Variants in DLC1 observed in about 807,000 individuals in gnomAD.
DLC1 encodes the protein DLC1 Rho GTPase activating protein.
Under a neutral mutation model 140.3 loss-of-function variants are expected in DLC1, and 54 were observed. The ratio of observed to expected loss-of-function variants is 0.38; its 90% CI spans 0.31 to 0.48. DLC1 has a LOEUF of 0.48. DLC1 is among the 20% of genes least tolerant of loss of function. The pLI is 0.96. For missense variants in DLC1, 2,536 were observed against 1,907.0 expected, an observed-to-expected ratio of 1.33 and a Z score of -6.14; for synonymous variants, 986 against 728.1, an observed-to-expected ratio of 1.35 and a Z score of -5.70.
At chr8:13,361,259 G>C (rs1165485425) in intron 4 of DLC1, among the ~76,000 whole-genome samples, 1 of 151,980 alleles carries the variant, frequency 6.6e-6, no homozygotes, top group Non-Finnish European at 1.5e-5. Context: ...CAAAACGAGA[G>C]AGAGAAAGAA....
intron 2 of DLC1, among the ~76,000 whole-genome samples, chr8:13,405,173 G>A (rs552609283): frequency 6.6e-6 from 1 of 152,036 alleles, no homozygotes; most frequent in South Asian, 2.1e-4. Flanking sequence ...ACTCAGAACT[G>A]CATGTGCAGG....
At chr8:13,355,911 C>T (rs369940199) in intron 4 of DLC1, among the ~76,000 whole-genome samples, 97 of 149,128 alleles carry the variant, frequency 6.5e-4, no homozygotes, top group African/African-American at 1.7e-3. Flanking sequence ...GGTGAAACCC[C>T]GTCTCTACTA....
At chr8:13,086,612 C>T in intron 16 of DLC1, 149 bp from the exon 17 acceptor site, 1 of 783,058 alleles carries the variant, frequency 1.3e-6, no homozygotes. Flanking sequence ...ATGGCATCCT[C>T]TAAACTACTT....
At chr8:13,293,847 A>G (rs947515576) in intron 5 of DLC1, among the ~76,000 whole-genome samples, 1 of 151,870 alleles carries the variant, frequency 6.6e-6, no homozygotes, top group Non-Finnish European at 1.5e-5. Flanking sequence ...GAGGAAAAGA[A>G]CTATGTTCTA....
intron 5 of DLC1, among the ~76,000 whole-genome samples, chr8:13,265,387 TGTGTGG>T (rs1158605005): frequency 1.3e-5 from 2 of 152,096 alleles, no homozygotes; most frequent in East Asian, 3.9e-4. Context: ...AGTGGGAGTA[TGTGTGG>T]GTAGGTGGTA....
intron 1 of DLC1, among the ~76,000 whole-genome samples, chr8:13,523,536 C>T (rs117624611): frequency 6.6e-6 from 1 of 152,098 alleles, no homozygotes; most frequent in South Asian, 2.1e-4. Context: ...TAGACAAATA[C>T]ATTTGGGAAT....
At chr8:13,589,148 C>A (rs1205641330) in intron 1 of DLC1, among the ~76,000 whole-genome samples, 2 of 152,106 alleles carry the variant, frequency 1.3e-5, no homozygotes, top group Non-Finnish European at 2.9e-5. Flanking sequence ...CTTCATTAGG[C>A]TATCCTTCAT....
intron 5 of DLC1, among the ~76,000 whole-genome samples, chr8:13,257,163 TC>T (rs1423328386): frequency 6.6e-6 from 1 of 151,790 alleles, no homozygotes; most frequent in African/African-American, 2.4e-5. Flanking sequence ...TGTCACAAAA[TC>T]ATGTTCTTTA....
At chr8:13,171,683 C>A (rs558786020) in intron 5 of DLC1, among the ~76,000 whole-genome samples, 2 of 152,258 alleles carry the variant, frequency 1.3e-5, no homozygotes, top group South Asian at 2.1e-4. Flanking sequence ...CCACCACGGC[C>A]GGCCCACACT....
intron 5 of DLC1, among the ~76,000 whole-genome samples, chr8:13,148,091 G>C (rs761260008): frequency 6.6e-6 from 1 of 151,910 alleles, no homozygotes. Flanking sequence ...GTTGTGCTGT[G>C]TGTTGCATGT....
chr8:13,466,534 G>A (rs942060784), intron 2 of DLC1, among the ~76,000 whole-genome samples: 2 of 152,156 alleles, frequency 1.3e-5, no homozygotes, highest in Non-Finnish European at 2.9e-5. Context: ...CTGTGGGAGA[G>A]ATACCTGGTC....
chr8:13,556,859 A>G (rs377180998), intron 1 of DLC1, among the ~76,000 whole-genome samples: 2 of 152,192 alleles, frequency 1.3e-5, no homozygotes, highest in South Asian at 2.1e-4. Context: ...TTCATTTATT[A>G]TTTTCACAAT....
At chr8:13,461,807 C>T (rs1332437608) in intron 2 of DLC1, among the ~76,000 whole-genome samples, 1 of 152,106 alleles carries the variant, frequency 6.6e-6, no homozygotes, top group Admixed American at 6.5e-5. Context: ...CTCTCTGATG[C>T]CGATGCTCTT....
intron 4 of DLC1, among the ~76,000 whole-genome samples, chr8:13,382,181 A>C (rs1427307134): frequency 6.6e-6 from 1 of 152,168 alleles, no homozygotes; most frequent in Non-Finnish European, 1.5e-5. Flanking sequence ...GCTTGGTTAA[A>C]GGTAATTTCT....
intron 5 of DLC1, among the ~76,000 whole-genome samples, chr8:13,118,471 G>C (rs558586231): frequency 1.3e-5 from 2 of 152,088 alleles, no homozygotes; most frequent in Admixed American, 1.3e-4. Context: ...AAATAGACAA[G>C]CATATGACTA....
At chr8:13,411,303 TC>T (rs1563324898) in intron 2 of DLC1, among the ~76,000 whole-genome samples, 1 of 152,156 alleles carries the variant, frequency 6.6e-6, no homozygotes, top group Non-Finnish European at 1.5e-5. Context: ...GTGAAAGAAG[TC>T]AGTCTGACGA....
At chr8:13,534,556 T>C (rs902241822) in intron 1 of DLC1, among the ~76,000 whole-genome samples, 5 of 152,162 alleles carry the variant, frequency 3.3e-5, no homozygotes, top group African/African-American at 9.7e-5. Context: ...TCTTCTCTGC[T>C]TCATAAGAAG....
At chr8:13,484,136 T>C (rs868607725) in intron 2 of DLC1, among the ~76,000 whole-genome samples, 17 of 152,054 alleles carry the variant, frequency 1.1e-4, no homozygotes, top group Non-Finnish European at 1.8e-4. Flanking sequence ...CAGTGTGGAA[T>C]ATGAATTGGA....
intron 5 of DLC1, among the ~76,000 whole-genome samples, chr8:13,180,970 A>C (rs1825996597): frequency 6.6e-6 from 1 of 151,878 alleles, no homozygotes; most frequent in Non-Finnish European, 1.5e-5. Flanking sequence ...CTTGACATAT[A>C]ATGTTCCTTT....
Sources: allele counts gnomAD v4.1 joint callset (sites outside exome capture counted in the v4.1 genomes callset), GRCh38; gene constraint gnomAD v4.1.1; transcripts MANE v1.5; gene names NCBI Gene and HGNC (gene_info 2026-07-23, HGNC 2026-07-21).